Variants in IFT81 observed in about 807,000 individuals in gnomAD.
IFT81 encodes intraflagellar transport 81.
IFT81 carries 72 observed loss-of-function variants against 102.6 expected under a neutral mutation model. The observed-to-expected ratio is 0.70, with a 90% CI of 0.58 to 0.85. The LOEUF (loss-of-function observed/expected upper bound fraction) is 0.85. IFT81 is among the 40% of genes least tolerant of loss of function. The pLI, the probability that IFT81 is intolerant of heterozygous loss-of-function variation, is 0.00. For missense variants in IFT81, 723 were observed against 787.3 expected, an observed-to-expected ratio of 0.92 and a Z score of 0.98; for synonymous variants, 237 against 242.7, an observed-to-expected ratio of 0.98 and a Z score of 0.22.
At chr12:110,180,945 A>G (rs549175203) in intron 12 of IFT81, among the ~76,000 whole-genome samples, 2 of 152,366 alleles carry the variant, frequency 1.3e-5, no homozygotes, top group South Asian at 2.1e-4. Context: ...GGAAAGAAAT[A>G]TCCAGGGAAG....
intron 14 of IFT81, chr12:110,203,383 T>A (rs975960416): frequency 2.5e-5 from 4 of 158,136 alleles, no homozygotes; most frequent in Non-Finnish European, 4.2e-5. Context: ...TCCTTTTTTT[T>A]AAATACTGTC....
rs938181841 is a variant in IFT81 at position 110,179,807 on chromosome 12, T to G, written c.1189-615T>G. On this transcript the variant is annotated intron_variant, in intron 11 of 18. Coordinates refer to ENST00000242591, the MANE Select transcript of IFT81 (RefSeq NM_014055.4). Reference sequence around the variant, plus strand: ...ACACACACACACACACACACACACATTTTATATGTATACATATATTAAACA... The same window carrying G: ...ACACACACACACACACACACACACAGTTTATATGTATACATATATTAAACA... Among the ~76,000 whole-genome samples, 3 of 86,942 alleles carry G rather than the reference T, an allele frequency of 3.5e-5. 1 individual carries two copies. Among genetic ancestry groups the G allele is most frequent in the Non-Finnish European group, 7.4e-5 (3 of 40,564 alleles). 57.0% of individuals were successfully genotyped at this position (86,942 alleles called of 152,430 possible). A position where few individuals can be genotyped will look rare whatever the true frequency, so the allele number is the denominator to read the frequency against.
intron 11 of IFT81, among the ~76,000 whole-genome samples, chr12:110,171,611 A>G (rs896923337): frequency 6.6e-6 from 1 of 152,224 alleles, no homozygotes; most frequent in African/African-American, 2.4e-5. Context: ...AGGTTAGAAT[A>G]GTATTTTTAT....
At chr12:110,153,848 C>T (rs953030507) in intron 10 of IFT81, among the ~76,000 whole-genome samples, 5 of 150,062 alleles carry the variant, frequency 3.3e-5, no homozygotes, top group African/African-American at 9.8e-5. Flanking sequence ...GAACTCCCGA[C>T]CTCAGCTGAT....
intron 14 of IFT81, among the ~76,000 whole-genome samples, chr12:110,199,060 C>T (rs1449226573): frequency 6.6e-6 from 1 of 152,146 alleles, no homozygotes; most frequent in Non-Finnish European, 1.5e-5. Context: ...CCGGCCACCT[C>T]CGCCTCCCGA....
chr12:110,191,035 A>T lies in IFT81; in HGVS notation c.1454A>T (p.Asp485Val). 6.2e-7 allele frequency: 1 copy of T among 1,606,096 alleles called. No individual in the cohort carries two copies. Among genetic ancestry groups the T allele is most frequent in the East Asian group, 2.2e-5 (1 of 44,500 alleles). Residue 485 changes from aspartate (D) to valine (V), a missense_variant, in exon 13 of 19, where the codon GAT becomes GTT. By Grantham distance (152) the Asp-to-Val change is radical. Transcript: ENST00000242591. ...VDEMKGRTLD[D>V]MSEMVKKLYS... The stretch of plus-strand genomic sequence containing the variant: ...GAAATGAAAGGACGAACATTGGATG[A>T]TATGTCTGAAATGGTGATGATACTT...
chr12:110,180,690 G>T, intron 12 of IFT81, 119 bp downstream of exon 12: 1 of 646,834 alleles, frequency 1.5e-6, no homozygotes, highest in Non-Finnish European at 2.4e-6. Flanking sequence ...ACTTTTCTCT[G>T]ATTAATTACA....
chr12:110,217,022 G>A (rs1870227221), intron 18 of IFT81, among the ~76,000 whole-genome samples: 1 of 152,132 alleles, frequency 6.6e-6, no homozygotes, highest in Non-Finnish European at 1.5e-5. Flanking sequence ...ACATTCTTGA[G>A]TAATATGTCA....
intron 10 of IFT81, among the ~76,000 whole-genome samples, chr12:110,150,386 G>C (rs1216546354): frequency 1.3e-5 from 2 of 152,026 alleles, no homozygotes; most frequent in Non-Finnish European, 2.9e-5. Flanking sequence ...CATGTTTTTA[G>C]GCAGCCATTG....
At chr12:110,131,471 T>G (rs1894159019) in intron 4 of IFT81, among the ~76,000 whole-genome samples, 1 of 151,946 alleles carries the variant, frequency 6.6e-6, no homozygotes, top group Non-Finnish European at 1.5e-5. Context: ...CTCAAGCTCC[T>G]GAGTAGCTGG....
At chr12:110,140,358 T>A (rs1336295617) in intron 8 of IFT81, among the ~76,000 whole-genome samples, 4 of 152,180 alleles carry the variant, frequency 2.6e-5, no homozygotes, top group East Asian at 1.9e-4. Context: ...ATCACAAACC[T>A]ATCCATCACC....
At chr12:110,141,150 C>T (rs1030755342) in intron 8 of IFT81, among the ~76,000 whole-genome samples, 9 of 152,122 alleles carry the variant, frequency 5.9e-5, no homozygotes, top group African/African-American at 1.4e-4. Flanking sequence ...TCAAGCATCT[C>T]TACAGCCTCC....
At chr12:110,183,371 A>G (rs1192886772) in intron 12 of IFT81, among the ~76,000 whole-genome samples, 2 of 152,188 alleles carry the variant, frequency 1.3e-5, no homozygotes, top group Non-Finnish European at 2.9e-5. Context: ...TCCTCAAGGG[A>G]TGATTCCTTA....
intron 18 of IFT81, among the ~76,000 whole-genome samples, chr12:110,215,600 C>A (rs1870002173): frequency 6.7e-6 from 1 of 149,642 alleles, no homozygotes; most frequent in South Asian, 2.1e-4. Flanking sequence ...TAGCTGGGAC[C>A]ACAGGCATGT....
chr12:110,204,067 C>T (rs1297087637), intron 15 of IFT81, 117 bp downstream of exon 15: 1 of 647,074 alleles, frequency 1.5e-6, no homozygotes, highest in Non-Finnish European at 2.8e-6. Context: ...GAGTTTGAGG[C>T]TACAGTGAGC....
intron 3 of IFT81, 87 bp from the exon 4 acceptor site, chr12:110,128,863 G>T: frequency 5.1e-5 from 41 of 796,340 alleles, no homozygotes; most frequent in Middle Eastern, 5.5e-4. Context: ...TTTGGACATT[G>T]TAAATCAGAT....
Position 110,174,806 on chromosome 12 carries a change from A to G in IFT81, c.1189-5616A>G, listed in dbSNP as rs530222764. On this transcript the variant is annotated intron_variant, in intron 11 of 18. Transcript: ENST00000242591. Reference sequence around the variant, plus strand: ...CTAAATACACAAAAGGAAAAAGAACATCTGTCAATTTCCATTTTGATCACA... The same window carrying G: ...CTAAATACACAAAAGGAAAAAGAACGTCTGTCAATTTCCATTTTGATCACA... 1.1e-4 allele frequency among the ~76,000 whole-genome samples: 17 copies of G among 152,364 alleles called. No homozygotes were observed. The South Asian group carries it at 3.3e-3, about 30-fold the overall frequency.
chr12:110,216,769 G>T, intron 18 of IFT81: 2 of 373,408 alleles, frequency 5.4e-6, no homozygotes, highest in South Asian at 2.0e-5. Context: ...CAGGTGATCT[G>T]CCCACCTATA....
intron 12 of IFT81, among the ~76,000 whole-genome samples, chr12:110,182,021 C>T (rs1309503565): frequency 6.6e-6 from 1 of 152,166 alleles, no homozygotes; most frequent in East Asian, 1.9e-4. Flanking sequence ...GCCTTTTGTA[C>T]CCCATGGCAG....
Sources: allele counts gnomAD v4.1 joint callset (sites outside exome capture counted in the v4.1 genomes callset), GRCh38; gene constraint gnomAD v4.1.1; transcripts MANE v1.5; gene names NCBI Gene and HGNC (gene_info 2026-07-23, HGNC 2026-07-21).